Variants in CFAP54 observed in about 807,000 individuals in gnomAD.
CFAP54 encodes the protein cilia and flagella associated protein 54.
In CFAP54, 290 loss-of-function variants were observed where a neutral mutation model predicts 370.4. The ratio of observed to expected loss-of-function variants is 0.78; its 90% CI spans 0.71 to 0.86. The LOEUF is 0.86. Ranked by LOEUF, CFAP54 falls within the 40% of genes least tolerant of loss-of-function variation. The pLI is 0.00. For synonymous variants in CFAP54, 1,206 were observed against 1,236.5 expected, an observed-to-expected ratio of 0.98 and a Z score of 0.52; for missense variants, 3,399 against 3,528.7, an observed-to-expected ratio of 0.96 and a Z score of 0.93.
intron 42 of CFAP54, among the ~76,000 whole-genome samples, chr12:96,687,547 A>G (rs575005544): frequency 3.3e-5 from 5 of 152,296 alleles, no homozygotes; most frequent in African/African-American, 1.2e-4. Context: ...CAACCTGCAT[A>G]GTGTTTTAAG....
At position 96,641,550 on chromosome 12, in the gene CFAP54, C is replaced by A. The variant is rs1281349222; in HGVS notation, c.4317-2628C>A. On this transcript the variant is annotated intron_variant, in intron 32 of 67. Transcript: ENST00000524981. ...CCTCAGGGATCTAGAACTAGAAATA[C>A]CATTTGACCCAGCCATCCCATTACT... Among the ~76,000 whole-genome samples, 9 of 152,030 alleles carry A rather than the reference C, an allele frequency of 5.9e-5. No individual in the cohort carries two copies. The East Asian group carries it at 1.7e-3, about 29-fold the overall frequency.
intron 48 of CFAP54, among the ~76,000 whole-genome samples, chr12:96,715,764 C>T (rs533958579): frequency 3.2e-4 from 49 of 152,160 alleles, no homozygotes; most frequent in African/African-American, 1.1e-3. Context: ...CATTGGAATT[C>T]GTTGAGATGC....
At chr12:96,698,510 A>T (rs180688478) in intron 45 of CFAP54, among the ~76,000 whole-genome samples, 2 of 152,180 alleles carry the variant, frequency 1.3e-5, no homozygotes, top group Non-Finnish European at 2.9e-5. Flanking sequence ...GAATGAGATC[A>T]TGTCCTTTGC....
At chr12:96,584,774 A>G (rs1307295433) in intron 22 of CFAP54, among the ~76,000 whole-genome samples, 1 of 152,188 alleles carries the variant, frequency 6.6e-6, no homozygotes, top group Non-Finnish European at 1.5e-5. Context: ...GGCCCTGGGA[A>G]TGCAGCAGAG....
At chr12:96,618,049 A>G (rs1956442100) in intron 26 of CFAP54, among the ~76,000 whole-genome samples, 1 of 151,990 alleles carries the variant, frequency 6.6e-6, no homozygotes, top group Non-Finnish European at 1.5e-5. Context: ...AAGCTCTTCC[A>G]TCAATGAGTA....
chr12:96,557,108 G>T (rs796839578), intron 17 of CFAP54, among the ~76,000 whole-genome samples: 10 of 151,566 alleles, frequency 6.6e-5, no homozygotes, highest in African/African-American at 2.2e-4. Flanking sequence ...CTTTCTGGAG[G>T]CTCTGGGGGA....
intron 1 of CFAP54, 107 bp downstream of exon 1, chr12:96,490,033 G>T (rs1417453707): frequency 6.6e-6 from 7 of 1,061,560 alleles, no homozygotes; most frequent in Non-Finnish European, 9.2e-6. Flanking sequence ...CGTTGCGGAC[G>T]CAGGGGCTGG....
At position 96,764,718 on chromosome 12, in the gene CFAP54, ATCTC is replaced by A. The variant is rs539769091; in HGVS notation, c.8140-355_8140-352del. On this transcript the variant is annotated intron_variant, in intron 59 of 67. Transcript: ENST00000524981. ...ATACTAGTTATGTTTAGTGTTTTCAATCTCTCTATTAGCCAGACTTAGTTCTCTT... is the reference window on the plus strand; with the variant it reads ...ATACTAGTTATGTTTAGTGTTTTCAATCTATTAGCCAGACTTAGTTCTCTT... Among the ~76,000 whole-genome samples the A allele has an allele frequency of 1.6e-3, 251 of 152,308 alleles. 1 individual carries two copies. Among genetic ancestry groups the A allele is most frequent in the African/African-American group, 5.7e-3 (238 of 41,562 alleles).
Position 96,619,683 on chromosome 12 carries a change from A to G in CFAP54, c.3640-1907A>G, listed in dbSNP as rs555543276. On this transcript the variant is annotated intron_variant, in intron 26 of 67. Coordinates refer to ENST00000524981, the MANE Select transcript of CFAP54 (RefSeq NM_001306084.2). Reference sequence around the variant, plus strand: ...TATTTTCTACTAGCATATTAAAAGAAGGGGAAAAGATTGCCCAGTTATCTG... The same window carrying G: ...TATTTTCTACTAGCATATTAAAAGAGGGGGAAAAGATTGCCCAGTTATCTG... 5.9e-5 allele frequency among the ~76,000 whole-genome samples: 9 copies of G among 152,354 alleles called. No individual in the cohort carries two copies. The East Asian group carries it at 1.3e-3, about 23-fold the overall frequency.
At chr12:96,644,108 G>A (rs1233449676) in intron 32 of CFAP54, 70 bp from the exon 33 acceptor site, 2 of 1,037,200 alleles carry the variant, frequency 1.9e-6, no homozygotes, top group African/African-American at 3.2e-5. Context: ...TTTCCAAATT[G>A]GAATGATTCT....
At chr12:96,735,138 A>G (rs1957963920) in intron 50 of CFAP54, among the ~76,000 whole-genome samples, 1 of 152,242 alleles carries the variant, frequency 6.6e-6, no homozygotes, top group Non-Finnish European at 1.5e-5. Flanking sequence ...TAGGTTCTCC[A>G]CCAACTTCCC....
intron 56 of CFAP54, among the ~76,000 whole-genome samples, chr12:96,755,085 C>T (rs1006628902): frequency 8.5e-5 from 13 of 152,170 alleles, no homozygotes; most frequent in Admixed American, 3.9e-4. Flanking sequence ...ACCATGAGGG[C>T]TGGGAGCTGT....
intron 6 of CFAP54, among the ~76,000 whole-genome samples, chr12:96,521,543 TGTGTGCGC>T (rs1238160273): frequency 1.8e-3 from 89 of 48,762 alleles, no homozygotes; most frequent in African/African-American, 6.2e-3. Context: ...TGTGTGTGTG[TGTGTGCGC>T]GTGCGCACAT....
intron 14 of CFAP54, among the ~76,000 whole-genome samples, chr12:96,542,015 G>A (rs754801417): frequency 3.3e-5 from 5 of 152,020 alleles, no homozygotes; most frequent in Admixed American, 1.3e-4. Flanking sequence ...TCTGCCTCTG[G>A]TTGCAGCCCT....
At chr12:96,806,209 TATATAA>T (rs1276058591) in intron 63 of CFAP54, among the ~76,000 whole-genome samples, 34 of 68,776 alleles carry the variant, frequency 4.9e-4, no homozygotes, top group African/African-American at 1.9e-3. Context: ...TATATATATA[TATATAA>T]TAACAACATA....
At chr12:96,846,156 G>C (rs938817835) in intron 66 of CFAP54, among the ~76,000 whole-genome samples, 5 of 152,224 alleles carry the variant, frequency 3.3e-5, no homozygotes, top group African/African-American at 1.2e-4. Flanking sequence ...TAAAGGTAAA[G>C]ATATAATTAA....
chr12:96,870,299 G>A (rs1322734669), intron 67 of CFAP54, among the ~76,000 whole-genome samples: 5 of 151,922 alleles, frequency 3.3e-5, no homozygotes, highest in Non-Finnish European at 7.4e-5. Flanking sequence ...TACATTTAAA[G>A]GAACTATAAA....
intron 19 of CFAP54, among the ~76,000 whole-genome samples, chr12:96,575,574 T>G (rs1247695952): frequency 6.6e-6 from 1 of 152,076 alleles, no homozygotes. Flanking sequence ...ATGTCTAACA[T>G]TTATTGACTG....
At chr12:96,799,822 A>G (rs891146270) in intron 63 of CFAP54, among the ~76,000 whole-genome samples, 2 of 152,228 alleles carry the variant, frequency 1.3e-5, no homozygotes, top group Admixed American at 6.5e-5. Flanking sequence ...CAAGGAGTAT[A>G]GTGAATCATA....
Sources: allele counts gnomAD v4.1 joint callset (sites outside exome capture counted in the v4.1 genomes callset), GRCh38; gene constraint gnomAD v4.1.1; transcripts MANE v1.5; gene names NCBI Gene and HGNC (gene_info 2026-07-23, HGNC 2026-07-21).